The following TBC1D5 variants were observed in gnomAD, a reference collection of about 807,000 sequenced individuals.
The protein encoded by TBC1D5 is TBC1 domain family member 5.
A neutral mutation model predicts 100.3 loss-of-function variants in TBC1D5; 75 were observed. That is an observed-to-expected ratio of 0.75 (90% CI 0.62 to 0.91). The LOEUF is 0.91. TBC1D5 is among the 40% of genes least tolerant of loss of function. The pLI, the probability that TBC1D5 is intolerant of heterozygous loss-of-function variation, is 0.00. For missense variants in TBC1D5, 910 were observed against 942.4 expected, an observed-to-expected ratio of 0.97 and a Z score of 0.45; for synonymous variants, 323 against 325.6, an observed-to-expected ratio of 0.99 and a Z score of 0.09.
intron 2 of TBC1D5, among the ~76,000 whole-genome samples, chr3:17,534,479 G>T (rs2096264278): frequency 6.6e-6 from 1 of 152,042 alleles, no homozygotes; most frequent in African/African-American, 2.4e-5. Flanking sequence ...GTTCCTTTTG[G>T]CAGTACTTGC....
intron 1 of TBC1D5, among the ~76,000 whole-genome samples, chr3:17,705,386 G>T (rs1371086908): frequency 2.2e-5 from 3 of 137,358 alleles, no homozygotes; most frequent in African/African-American, 8.0e-5. Flanking sequence ...TGGCTGCCGG[G>T]CGGAGATGCT....
intron 2 of TBC1D5, among the ~76,000 whole-genome samples, chr3:17,567,256 T>G (rs2096599279): frequency 5.3e-5 from 8 of 151,762 alleles, no homozygotes; most frequent in Admixed American, 5.3e-4. Context: ...CCAAAATTAG[T>G]GAAATGTTTC....
At chr3:17,721,965 G>C (rs1377289021) in intron 1 of TBC1D5, among the ~76,000 whole-genome samples, 1 of 152,134 alleles carries the variant, frequency 6.6e-6, no homozygotes, top group Non-Finnish European at 1.5e-5. Context: ...CTGGGCGACA[G>C]AGCAAGACAC....
intron 3 of TBC1D5, among the ~76,000 whole-genome samples, chr3:17,501,995 C>CA (rs1296453249): frequency 6.7e-6 from 1 of 149,632 alleles, no homozygotes; most frequent in Non-Finnish European, 1.5e-5. Context: ...AGTGATATCT[C>CA]ATTCAACTCT....
chr3:17,655,558 A>G (rs1361789597), intron 1 of TBC1D5, among the ~76,000 whole-genome samples: 1 of 152,136 alleles, frequency 6.6e-6, no homozygotes, highest in Non-Finnish European at 1.5e-5. Flanking sequence ...TGGCATCCAA[A>G]TACTATATAT....
At chr3:17,170,646 C>G (rs541172072) in intron 19 of TBC1D5, among the ~76,000 whole-genome samples, 1 of 152,204 alleles carries the variant, frequency 6.6e-6, no homozygotes, top group South Asian at 2.1e-4. Context: ...CTTTAGGTCA[C>G]AGTCTATGGG....
chr3:17,162,465 C>A (rs1388388395), intron 21 of TBC1D5, among the ~76,000 whole-genome samples: 1 of 152,224 alleles, frequency 6.6e-6, no homozygotes, highest in Non-Finnish European at 1.5e-5. Context: ...GCTCAGGAAC[C>A]TTCCATCTCT....
chr3:17,352,767 T>C lies in TBC1D5; in HGVS notation c.995+19308A>G, dbSNP rs1240929732. Among the ~76,000 whole-genome samples the C allele has an allele frequency of 2.0e-5, 3 of 149,380 alleles. No individual in the cohort carries two copies. In the Admixed American group the frequency reaches 2.0e-4, roughly 10 times the overall value. On this transcript the variant is annotated intron_variant, in intron 13 of 21. Transcript: ENST00000253692. Reference sequence around the variant, plus strand: ...TTTATATGCTAACTCAGAATAGTAATTATGGATCTTGCAAGTTGACTCCTG... The same window carrying C: ...TTTATATGCTAACTCAGAATAGTAACTATGGATCTTGCAAGTTGACTCCTG...
At chr3:17,720,927 C>T (rs924238950) in intron 1 of TBC1D5, among the ~76,000 whole-genome samples, 1 of 151,624 alleles carries the variant, frequency 6.6e-6, no homozygotes, top group Non-Finnish European at 1.5e-5. Context: ...GTAACCTCTG[C>T]CTCTTGGGTT....
intron 16 of TBC1D5, among the ~76,000 whole-genome samples, chr3:17,257,125 T>A (rs2077780244): frequency 6.8e-6 from 1 of 146,462 alleles, no homozygotes; most frequent in African/African-American, 2.5e-5. Flanking sequence ...AGGTATGATA[T>A]AACCTGTTAT....
intron 8 of TBC1D5, among the ~76,000 whole-genome samples, chr3:17,400,124 G>A (rs2093608582): frequency 6.6e-6 from 1 of 152,112 alleles, no homozygotes; most frequent in African/African-American, 2.4e-5. Context: ...AACCTGTGAT[G>A]GCAGCATCCT....
At position 17,640,537 on chromosome 3, in the gene TBC1D5, A is replaced by G. The variant is rs142646034; in HGVS notation, c.-100-16624T>C. ...GCTAAGGACAATGTTATAAAAAAGA[A>G]CATTATAAAAGAAGACAAAGAAAAA... On this transcript the variant is annotated intron_variant, in intron 1 of 21. Coordinates refer to ENST00000253692, the Ensembl canonical transcript of TBC1D5. 9.2e-5 allele frequency among the ~76,000 whole-genome samples: 14 copies of G among 152,234 alleles called. No individual in the cohort carries two copies. In the East Asian group the frequency reaches 2.3e-3, roughly 25 times the overall value.
intron 1 of TBC1D5, among the ~76,000 whole-genome samples, chr3:17,736,295 G>T (rs1323154392): frequency 2.0e-5 from 3 of 152,004 alleles, no homozygotes. Flanking sequence ...AATTAAAAAG[G>T]TAGATCTATA....
intron 2 of TBC1D5, among the ~76,000 whole-genome samples, chr3:17,558,214 G>A (rs1024616074): frequency 6.6e-6 from 1 of 152,100 alleles, no homozygotes; most frequent in Non-Finnish European, 1.5e-5. Flanking sequence ...GAGAGGATTT[G>A]CTCTCTGAAT....
intron 3 of TBC1D5, among the ~76,000 whole-genome samples, chr3:17,497,856 T>C (rs898711505): frequency 6.6e-6 from 1 of 152,170 alleles, no homozygotes; most frequent in Non-Finnish European, 1.5e-5. Context: ...TCATTATTTA[T>C]CTGTAGATAA....
At chr3:17,590,906 T>C (rs1339579816) in intron 2 of TBC1D5, among the ~76,000 whole-genome samples, 2 of 151,808 alleles carry the variant, frequency 1.3e-5, no homozygotes, top group Non-Finnish European at 2.9e-5. Context: ...AGCAGAAAAC[T>C]TCTAGGTCAA....
Position 17,371,864 on chromosome 3 carries a change from C to A in TBC1D5, c.995+211G>T, listed in dbSNP as rs112727545. Among the ~76,000 whole-genome samples the A allele has an allele frequency of 3.4e-3, 520 of 152,112 alleles. 2 individuals carry two copies. The highest frequency in any genetic ancestry group is 0.012 in the African/African-American group (506 of 41,510). On this transcript the variant is annotated intron_variant, in intron 13 of 21. Coordinates refer to ENST00000253692, the Ensembl canonical transcript of TBC1D5. ...GGGAGCCTGGCCAACATGGTGAAAC[C>A]CTGTCTACCAAAACTACAAAAACTT...
chr3:17,515,233 G>A (rs1422065259), intron 2 of TBC1D5, among the ~76,000 whole-genome samples: 1 of 152,082 alleles, frequency 6.6e-6, no homozygotes, highest in Non-Finnish European at 1.5e-5. Flanking sequence ...CAAACATGGG[G>A]AGGCCAGGGG....
At chr3:17,736,914 G>C (rs560525641) in intron 1 of TBC1D5, among the ~76,000 whole-genome samples, 1 of 152,178 alleles carries the variant, frequency 6.6e-6, no homozygotes, top group Non-Finnish European at 1.5e-5. Context: ...TCAGGAGGCT[G>C]AGGCAGGAGA....
Sources: gnomAD v4.1 joint callset for allele counts (sites outside exome capture counted in the v4.1 genomes callset) on GRCh38, gnomAD v4.1.1 for gene constraint, MANE v1.5 for transcripts, NCBI Gene and HGNC (gene_info 2026-07-23, HGNC 2026-07-21) for gene names.